DTNB: variants seen among roughly 807,000 people sequenced by gnomAD.
DTNB encodes dystrobrevin beta, also known as DTN-B.
A neutral mutation model predicts 90.7 loss-of-function variants in DTNB; 63 were observed. That is an observed-to-expected ratio of 0.69 (90% confidence interval 0.57 to 0.86). The LOEUF (loss-of-function observed/expected upper bound fraction) is 0.86. Ranked by LOEUF, DTNB falls within the 40% of genes least tolerant of loss-of-function variation. The probability of loss-of-function intolerance (pLI) is 0.00; values close to 1 mark genes in which losing one functional copy is unlikely to be tolerated. For synonymous variants in DTNB, 277 were observed against 286.7 expected (o/e 0.97, Z 0.34); for missense variants, 744 against 807.1 (o/e 0.92, Z 0.95).
At chr2:25,587,204 C>T (rs554491446) in intron 6 of DTNB, among the ~76,000 whole-genome samples, 2 of 152,108 alleles carry the variant, frequency 1.3e-5, no homozygotes, top group South Asian at 2.1e-4. Context: ...AGGAGTGAGT[C>T]GAGTTTTTTA....
At chr2:25,381,197 A>G (rs1004155560) in intron 19 of DTNB, among the ~76,000 whole-genome samples, 22 of 151,726 alleles carry the variant, frequency 1.4e-4, no homozygotes, top group African/African-American at 2.7e-4. Context: ...GTGCATGTGC[A>G]TGTGCGTGTG....
At chr2:25,383,595 C>T in intron 19 of DTNB, 2 of 725,414 alleles carry the variant, frequency 2.8e-6, no homozygotes, top group Non-Finnish European at 4.4e-6. Context: ...GTATCTACTT[C>T]CTGTATCCCA....
intron 16 of DTNB, among the ~76,000 whole-genome samples, chr2:25,389,724 C>A (rs922707108): frequency 1.3e-5 from 2 of 152,128 alleles, no homozygotes; most frequent in African/African-American, 4.8e-5. Flanking sequence ...CATATACAAA[C>A]AGAATTGGCC....
At chr2:25,531,373 T>G in intron 9 of DTNB, 100 bp downstream of exon 9, 1 of 1,488,918 alleles carries the variant, frequency 6.7e-7, no homozygotes, top group Non-Finnish European at 8.9e-7. Flanking sequence ...ACCTGAGAAG[T>G]TGAATGGTCA....
chr2:25,606,218 T>C (rs2067073409), intron 5 of DTNB, among the ~76,000 whole-genome samples: 1 of 151,546 alleles, frequency 6.6e-6, no homozygotes, highest in African/African-American at 2.4e-5. Flanking sequence ...TGGAGGAATA[T>C]TGCAAGGACT....
chr2:25,667,740 A>G (rs1217053420), intron 1 of DTNB, among the ~76,000 whole-genome samples: 1 of 152,170 alleles, frequency 6.6e-6, no homozygotes, highest in East Asian at 1.9e-4. Context: ...TATTCTTACC[A>G]TTCGACCCAG....
At position 25,481,411 on chromosome 2, in the gene DTNB, T is replaced by TAA. The variant is rs5829978; in HGVS notation, c.1079+1383_1079+1384dup. On this transcript the variant is annotated intron_variant, in intron 10 of 20. Coordinates refer to ENST00000406818, the MANE Select transcript of DTNB (RefSeq NM_021907.5). ...CAGACAGAGACAGTGTCTCCAAATTTAAAAAAAAAAAAAAAATGAAGACAA... is the reference window on the plus strand; with the variant it reads ...CAGACAGAGACAGTGTCTCCAAATTTAAAAAAAAAAAAAAAAAATGAAGACAA... Among the ~76,000 whole-genome samples the TAA allele has an allele frequency of 2.1e-3, 297 of 141,772 alleles. 3 individuals carry two copies. Among genetic ancestry groups the TAA allele is most frequent in the East Asian group, 0.019 (95 of 4,884 alleles). 93.0% of individuals were successfully genotyped at this position (141,772 alleles called of 152,430 possible).
rs2061439717 is a variant in DTNB at position 25,580,710 on chromosome 2, G to A, written c.709+11C>T. ...TAGCATGCGGAATTGAACAATAAAA[G>A]TTCTGCTTACCATTCTCAACATGGG... On this transcript the variant is annotated intron_variant, in intron 7 of 20. Transcript: ENST00000406818. 6.2e-7 allele frequency: 1 copy of A among 1,610,490 alleles called. No individual in the cohort carries two copies. The highest frequency in any genetic ancestry group is 1.1e-5 in the South Asian group (1 of 91,022).
At chr2:25,445,385 C>T (rs2058244666) in intron 12 of DTNB, among the ~76,000 whole-genome samples, 1 of 152,108 alleles carries the variant, frequency 6.6e-6, no homozygotes, top group Admixed American at 6.6e-5. Flanking sequence ...ATGTTAGAGT[C>T]AGATACGTGA....
intron 9 of DTNB, among the ~76,000 whole-genome samples, chr2:25,488,534 A>G (rs1227355419): frequency 1.3e-5 from 2 of 152,236 alleles, no homozygotes; most frequent in African/African-American, 4.8e-5. Context: ...ATGTCTAGAA[A>G]GCAGTTGAAA....
At chr2:25,504,741 A>T (rs2071922452) in intron 9 of DTNB, among the ~76,000 whole-genome samples, 1 of 152,200 alleles carries the variant, frequency 6.6e-6, no homozygotes, top group Non-Finnish European at 1.5e-5. Flanking sequence ...AAATGGAAAG[A>T]TTTCACATGT....
intron 4 of DTNB, among the ~76,000 whole-genome samples, chr2:25,623,679 C>T (rs2073383963): frequency 6.6e-6 from 1 of 152,072 alleles, no homozygotes; most frequent in Admixed American, 6.5e-5. Flanking sequence ...ATTATCCCTG[C>T]AAATAATTCT....
chr2:25,380,702 A>G (rs1164255437), intron 19 of DTNB, among the ~76,000 whole-genome samples: 1 of 152,150 alleles, frequency 6.6e-6, no homozygotes, highest in East Asian at 1.9e-4. Context: ...AGTGCCGGGA[A>G]AGGGAAACCC....
At chr2:25,601,522 T>A (rs2065877139) in intron 5 of DTNB, among the ~76,000 whole-genome samples, 1 of 152,246 alleles carries the variant, frequency 6.6e-6, no homozygotes, top group African/African-American at 2.4e-5. Flanking sequence ...GATTTTTTCC[T>A]GGTGATAATG....
chr2:25,640,777 C>T (rs993670721), intron 2 of DTNB, among the ~76,000 whole-genome samples: 16 of 151,868 alleles, frequency 1.1e-4, no homozygotes, highest in South Asian at 2.1e-4. Context: ...GAGGCTGAGG[C>T]GGGCGGATCA....
chr2:25,635,668 A>C (rs1032329575), intron 3 of DTNB, among the ~76,000 whole-genome samples: 6 of 152,192 alleles, frequency 3.9e-5, no homozygotes, highest in Non-Finnish European at 8.8e-5. Context: ...TGTGTAAATT[A>C]TACTTGAAAA....
At chr2:25,613,242 C>A (rs1286364566) in intron 4 of DTNB, among the ~76,000 whole-genome samples, 1 of 152,082 alleles carries the variant, frequency 6.6e-6, no homozygotes, top group Admixed American at 6.6e-5. Flanking sequence ...AGCCACTATG[C>A]CCAGACCAAT....
At chr2:25,401,958 G>T (rs1394082286) in intron 16 of DTNB, among the ~76,000 whole-genome samples, 1 of 152,150 alleles carries the variant, frequency 6.6e-6, no homozygotes, top group Non-Finnish European at 1.5e-5. Context: ...GATTTTCAGA[G>T]GCCCTCTCAG....
At chr2:25,608,211 T>G (rs2067571442) in intron 4 of DTNB, among the ~76,000 whole-genome samples, 1 of 152,236 alleles carries the variant, frequency 6.6e-6, no homozygotes, top group Non-Finnish European at 1.5e-5. Context: ...TTTGCAATAA[T>G]GAGAGCTATA....
Sources: gnomAD v4.1 joint callset for allele counts (sites outside exome capture counted in the v4.1 genomes callset) on GRCh38, gnomAD v4.1.1 for gene constraint, MANE v1.5 for transcripts, NCBI Gene and HGNC (gene_info 2026-07-23, HGNC 2026-07-21) for gene names.